The following TSPAN11 variants were observed in gnomAD, a reference collection of about 807,000 sequenced individuals.
TSPAN11 encodes the protein tetraspanin 11, also known as tetraspanin-11.
Under a neutral mutation model 32.9 loss-of-function variants are expected in TSPAN11, and 29 were observed. The observed-to-expected ratio is 0.88, with a 90% CI of 0.66 to 1.20. The LOEUF (loss-of-function observed/expected upper bound fraction) is 1.20, where lower values mean the gene tolerates loss of function less well. TSPAN11 is among the 50% of genes most tolerant of loss of function. The probability of loss-of-function intolerance (pLI) is 0.00; values close to 1 mark genes in which losing one functional copy is unlikely to be tolerated. For missense variants in TSPAN11, 283 were observed against 329.1 expected (o/e 0.86, Z 1.08); for synonymous variants, 140 against 141.3 (o/e 0.99, Z 0.07).
intron 1 of TSPAN11, among the ~76,000 whole-genome samples, chr12:30,930,785 G>A (rs1937904949): frequency 6.6e-6 from 1 of 152,216 alleles, no homozygotes; most frequent in Admixed American, 6.5e-5. Context: ...GGGGGTCTGT[G>A]GCGTCGGGCT....
intron 1 of TSPAN11, among the ~76,000 whole-genome samples, chr12:30,952,914 G>A (rs1247870430): frequency 2.0e-5 from 3 of 152,236 alleles, no homozygotes; most frequent in Non-Finnish European, 4.4e-5. Context: ...TACTCTGTGA[G>A]TGTGGGTGTG....
chr12:30,984,581 G>T (rs1056744935), intron 7 of TSPAN11, among the ~76,000 whole-genome samples: 1 of 111,022 alleles, frequency 9.0e-6, no homozygotes. Context: ...TTTTTTGCGC[G>T]ACAGTCTCAC....
intron 1 of TSPAN11, among the ~76,000 whole-genome samples, chr12:30,932,450 C>T (rs1171793025): frequency 2.0e-5 from 3 of 152,202 alleles, no homozygotes; most frequent in African/African-American, 7.2e-5. Flanking sequence ...CTGCTCTCAA[C>T]TACTCATCAA....
intron 3 of TSPAN11, among the ~76,000 whole-genome samples, chr12:30,976,598 T>G (rs1226383552): frequency 6.6e-6 from 1 of 152,188 alleles, no homozygotes; most frequent in Non-Finnish European, 1.5e-5. Context: ...GCCCCTGTCC[T>G]GAGGCCCCCT....
At chr12:30,928,979 ATGAG>A (rs1212505863) in intron 1 of TSPAN11, among the ~76,000 whole-genome samples, 1 of 152,196 alleles carries the variant, frequency 6.6e-6, no homozygotes, top group African/African-American at 2.4e-5. Flanking sequence ...TTGTTTGTGA[ATGAG>A]TGAGTGAGTG....
rs1021048814 is a variant in TSPAN11, at chr12:30,996,428, A to G, written c.*4513A>G. 3.3e-5 allele frequency: 5 copies of G among 152,256 alleles called. No individual in the cohort carries two copies. The highest frequency in any genetic ancestry group is 2.6e-4 in the Admixed American group (4 of 15,282). 9.4% of individuals were successfully genotyped at this position (152,256 alleles called of 1,614,324 possible). A position where few individuals can be genotyped will look rare whatever the true frequency, so the allele number is the denominator to read the frequency against. On this transcript the variant is annotated 3_prime_UTR_variant, in exon 8 of 8. Coordinates refer to ENST00000546076, the MANE Select transcript of TSPAN11 (RefSeq NM_001370302.1). ...ATGGATTCCTGGAAGCAGCTGGCCC[A>G]TGGATGTGAGTCATCACAGTATTCT...
At chr12:30,965,854 G>T (rs1478050756) in intron 3 of TSPAN11, among the ~76,000 whole-genome samples, 2 of 152,138 alleles carry the variant, frequency 1.3e-5, no homozygotes, top group Non-Finnish European at 2.9e-5. Flanking sequence ...GGCCACAAGA[G>T]GGGGCACAGG....
At chr12:30,990,847 G>A (rs1216841846) in intron 7 of TSPAN11, among the ~76,000 whole-genome samples, 1 of 152,204 alleles carries the variant, frequency 6.6e-6, no homozygotes, top group Non-Finnish European at 1.5e-5. Flanking sequence ...CAGGTATCAC[G>A]GGACAGTCAT....
At chr12:30,971,840 G>A (rs950896150) in intron 3 of TSPAN11, among the ~76,000 whole-genome samples, 4 of 85,160 alleles carry the variant, frequency 4.7e-5, no homozygotes, top group Non-Finnish European at 5.7e-5. Flanking sequence ...GCAAGGCCTC[G>A]TGTAAAAAAA....
chr12:31,009,698 G>A, the TSPAN11 span, among the ~76,000 whole-genome samples: 1 of 152,170 alleles, frequency 6.6e-6, no homozygotes, highest in Non-Finnish European at 1.5e-5. Context: ...AGAGAAAGGT[G>A]AGCCTCTCTG....
intron 1 of TSPAN11, among the ~76,000 whole-genome samples, chr12:30,952,794 A>C (rs1267171809): frequency 6.6e-6 from 1 of 152,218 alleles, no homozygotes; most frequent in Admixed American, 6.5e-5. Context: ...AAGACTGAAC[A>C]GGACGACTGG....
chr12:30,933,254 T>C (rs535027518), intron 1 of TSPAN11, among the ~76,000 whole-genome samples: 4 of 152,276 alleles, frequency 2.6e-5, no homozygotes, highest in Admixed American at 2.0e-4. Flanking sequence ...GGACACTGGC[T>C]CAGGTAGGTT....
chr12:31,001,584 T>C (rs1169048849), downstream of TSPAN11, among the ~76,000 whole-genome samples: 1 of 152,184 alleles, frequency 6.6e-6, no homozygotes, highest in African/African-American at 2.4e-5. Context: ...TCTGAGCCAA[T>C]AGACATTTGT....
chr12:30,998,108 G>A (rs912736599), downstream of TSPAN11, among the ~76,000 whole-genome samples: 1 of 152,250 alleles, frequency 6.6e-6, no homozygotes, highest in African/African-American at 2.4e-5. Flanking sequence ...GTGCGTGTGT[G>A]TGTGTGCAAA....
intron 3 of TSPAN11, among the ~76,000 whole-genome samples, chr12:30,971,123 A>G (rs1225665722): frequency 2.0e-5 from 3 of 152,174 alleles, no homozygotes; most frequent in Non-Finnish European, 4.4e-5. Context: ...TGTTCTGAGA[A>G]TAGGCTAGTA....
intron 1 of TSPAN11, among the ~76,000 whole-genome samples, chr12:30,931,682 C>G (rs1937931296): frequency 6.6e-6 from 1 of 151,818 alleles, no homozygotes. Context: ...GAGTTCAAGA[C>G]CAGCCTGGCC....
chr12:30,963,813 T>C lies in TSPAN11; in HGVS notation c.85-13T>C. ...CCCGCCACCCCCTGCTCTAACCCGG[T>C]GGTCTCCTGCAGGTCGGGGGAGCAG... On this transcript the variant is annotated splice_polypyrimidine_tract_variant and intron_variant, in intron 2 of 7. Coordinates refer to ENST00000546076, the MANE Select transcript of TSPAN11 (RefSeq NM_001370302.1). 1 of 1,603,774 alleles carries C rather than the reference T, an allele frequency of 6.2e-7. No homozygotes were observed. The highest frequency in any genetic ancestry group is 8.5e-7 in the Non-Finnish European group (1 of 1,178,866).
intron 7 of TSPAN11, among the ~76,000 whole-genome samples, chr12:30,987,877 G>T (rs965706738): frequency 6.7e-6 from 1 of 150,170 alleles, no homozygotes; most frequent in Admixed American, 6.6e-5. Context: ...AGGTTCCAGA[G>T]GACAGAAGGG....
At position 30,975,291 on chromosome 12, in the gene TSPAN11, C is replaced by G. The variant is rs1938944947; in HGVS notation, c.277-3270C>G. 6.6e-6 allele frequency among the ~76,000 whole-genome samples: 1 copy of G among 152,130 alleles called. No individual in the cohort carries two copies. Among genetic ancestry groups the G allele is most frequent in the African/African-American group, 2.4e-5 (1 of 41,422 alleles). On this transcript the variant is annotated intron_variant, in intron 3 of 7. Transcript: ENST00000546076. This position sits in a 1 kb window ranked among gnomAD's most constrained non-coding sequence, Gnocchi z 4.5. The stretch of plus-strand genomic sequence containing the variant: ...AGCATCTTGATGAGGGACCCTTTGC[C>G]TGCCTCCTGGGCCTGTCACACACCT...
Sources: gnomAD v4.1 joint callset for allele counts (sites outside exome capture counted in the v4.1 genomes callset) on GRCh38, gnomAD v4.1.1 for gene constraint, Gnocchi (gnomAD v3.1) non-coding constraint, MANE v1.5 for transcripts, NCBI Gene and HGNC (gene_info 2026-07-23, HGNC 2026-07-21) for gene names.